CCNC: variants seen among roughly 807,000 people sequenced by gnomAD.
CCNC encodes cyclin C.
In CCNC, 19 loss-of-function variants were observed where a neutral mutation model predicts 50.0. That is an observed-to-expected ratio of 0.38 (90% CI 0.27 to 0.56). CCNC has a LOEUF of 0.56. CCNC is among the 20% of genes least tolerant of loss of function. The probability of loss-of-function intolerance (pLI) is 0.72; values close to 1 mark genes in which losing one functional copy is unlikely to be tolerated. For synonymous variants in CCNC, 93 were observed against 103.7 expected (o/e 0.90, Z 0.63); for missense variants, 200 against 327.1 (o/e 0.61, Z 3.00).
Position 99,546,385 on chromosome 6 carries a change from A to G in CCNC, c.678+10T>C. ...TAAACATCCAAGTTTACATACAACTAAGGGAATACCTTTTCCATATCCACA... is the reference window on the plus strand; with the variant it reads ...TAAACATCCAAGTTTACATACAACTGAGGGAATACCTTTTCCATATCCACA... On this transcript the variant is annotated intron_variant, in intron 10 of 11. Coordinates refer to ENST00000520429, the MANE Select transcript of CCNC (RefSeq NM_005190.4). 6.3e-7 allele frequency: 1 copy of G among 1,584,090 alleles called. No individual in the cohort carries two copies. Among genetic ancestry groups the G allele is most frequent in the Non-Finnish European group, 8.7e-7 (1 of 1,152,824 alleles).
chr6:99,558,350 G>C, intron 5 of CCNC, 147 bp downstream of exon 5: 1 of 1,221,658 alleles, frequency 8.2e-7, no homozygotes, highest in Non-Finnish European at 1.1e-6. Flanking sequence ...TTTTTTGCCA[G>C]ATACACTAGA....
At position 99,545,142 on chromosome 6, in the gene CCNC, T is replaced by C. The variant is rs1208527532; in HGVS notation, c.767A>G (p.Lys256Arg). The change falls in exon 11 of 12, where the codon AAG becomes AGG. Residue 256 changes from lysine to arginine, a missense_variant. Physicochemically the swap from Lys to Arg is conservative, Grantham distance 26. Coordinates refer to ENST00000520429, the MANE Select transcript of CCNC (RefSeq NM_005190.4). The part of the protein sequence containing the change: ...ERKEMATILS[K>R]MPKPKPPPNS... ...TGGAGGTGGTTTTGGTTTTGGCATC[T>C]TACTAAGAATGGTTGCCATCTCTTT... is the stretch of plus-strand genomic sequence containing the variant. 1 of 1,608,056 alleles carries C rather than the reference T, an allele frequency of 6.2e-7. No homozygotes were observed. The highest frequency in any genetic ancestry group is 8.5e-7 in the Non-Finnish European group (1 of 1,174,810).
At chr6:99,560,646 C>T (rs1186353037) in intron 4 of CCNC, among the ~76,000 whole-genome samples, 2 of 152,210 alleles carry the variant, frequency 1.3e-5, no homozygotes, top group East Asian at 3.8e-4. Context: ...CTATTATTTT[C>T]TGGACTTTAG....
intron 11 of CCNC, chr6:99,544,393 T>C: frequency 2.5e-6 from 2 of 791,526 alleles, no homozygotes; most frequent in Admixed American, 5.7e-5. Flanking sequence ...CATAAATCTA[T>C]CTTGTTATAT....
chr6:99,567,214 T>C (rs1340057910), intron 1 of CCNC, among the ~76,000 whole-genome samples: 1 of 151,556 alleles, frequency 6.6e-6, no homozygotes, highest in Non-Finnish European at 1.5e-5. Context: ...AACTGAAAAA[T>C]CAACAGTCAG....
intron 4 of CCNC, among the ~76,000 whole-genome samples, chr6:99,559,578 A>C (rs1242539097): frequency 6.6e-6 from 1 of 152,142 alleles, no homozygotes; most frequent in African/African-American, 2.4e-5. Context: ...AAAGCCTGAG[A>C]CATGTTCTTA....
intron 9 of CCNC, among the ~76,000 whole-genome samples, chr6:99,547,335 A>C (rs1802108410): frequency 6.6e-6 from 1 of 152,178 alleles, no homozygotes; most frequent in African/African-American, 2.4e-5. Context: ...ACATGATAAA[A>C]ACAGGAAATT....
chr6:99,550,127 A>T, intron 8 of CCNC, 91 bp downstream of exon 8: 1 of 876,284 alleles, frequency 1.1e-6, no homozygotes, highest in Non-Finnish European at 1.8e-6. Context: ...GCAATAGTTT[A>T]ATGACTTTAA....
upstream of CCNC, chr6:99,568,688 T>G (rs1769270226): frequency 7.5e-6 from 11 of 1,476,432 alleles, no homozygotes; most frequent in Non-Finnish European, 9.8e-6. Flanking sequence ...GGCCCCCTAG[T>G]CTCCTTCACG....
At chr6:99,563,731 A>G (rs1768966683) in intron 1 of CCNC, among the ~76,000 whole-genome samples, 1 of 152,168 alleles carries the variant, frequency 6.6e-6, no homozygotes, top group African/African-American at 2.4e-5. Context: ...ATTTTGGTAC[A>G]AAGTAGGGAT....
Position 99,549,549 on chromosome 6 carries a change from G to A in CCNC, c.557C>T (p.Thr186Met), listed in dbSNP as rs940563658. The A allele has an allele frequency of 1.4e-5, 23 of 1,603,880 alleles. No individual in the cohort carries two copies. The highest frequency in any genetic ancestry group is 1.8e-5 in the Non-Finnish European group (21 of 1,171,416). The change falls in exon 9 of 12, where the codon ACG (threonine) becomes ATG (methionine). Residue 186 changes from threonine (T) to methionine (M), a missense_variant. Physicochemically the swap from Thr to Met is moderately conservative, Grantham distance 81 (BLOSUM62 -1). Coordinates refer to ENST00000520429, the MANE Select transcript of CCNC (RefSeq NM_005190.4). ...AGGAGGATACAGTAGGCAAAGATCC[G>A]TTCTGTAGGTATCATTCACTATCCT... is the stretch of plus-strand genomic sequence containing the variant. The part of the protein sequence containing the change: ...AWRIVNDTYR[T>M]DLCLLYPPFM...
chr6:99,565,257 G>A (rs1359408733), intron 1 of CCNC, among the ~76,000 whole-genome samples: 1 of 151,834 alleles, frequency 6.6e-6, no homozygotes, highest in Non-Finnish European at 1.5e-5. Flanking sequence ...ATCAATATGG[G>A]GAGAAATGAC....
chr6:99,549,124 G>A (rs868721720), intron 9 of CCNC, among the ~76,000 whole-genome samples: 8 of 152,186 alleles, frequency 5.3e-5, no homozygotes, highest in Middle Eastern at 3.4e-3. Flanking sequence ...GACCACAGAT[G>A]CTCCTTTACT....
At chr6:99,567,535 GT>G (rs1769188700) in intron 1 of CCNC, among the ~76,000 whole-genome samples, 1 of 152,090 alleles carries the variant, frequency 6.6e-6, no homozygotes. Flanking sequence ...AGGTTACTGA[GT>G]TCATTGTTTC....
chr6:99,561,335 A>G (rs766718751), intron 4 of CCNC, 32 bp downstream of exon 4: 1 of 1,436,690 alleles, frequency 7.0e-7, no homozygotes, highest in Non-Finnish European at 9.8e-7. Flanking sequence ...CATTGACTAC[A>G]CTTTGATGAA....
chr6:99,551,491 T>C (rs1381030945), intron 6 of CCNC, among the ~76,000 whole-genome samples: 1 of 152,150 alleles, frequency 6.6e-6, no homozygotes, highest in Non-Finnish European at 1.5e-5. Context: ...GTTCCATTAG[T>C]TTTTAATCCC....
At chr6:99,545,674 A>C (rs1393276415) in intron 10 of CCNC, among the ~76,000 whole-genome samples, 1 of 152,232 alleles carries the variant, frequency 6.6e-6, no homozygotes, top group Non-Finnish European at 1.5e-5. Context: ...TGAAACAACT[A>C]GTTAACAAAT....
intron 9 of CCNC, among the ~76,000 whole-genome samples, chr6:99,548,275 C>A (rs1358357262): frequency 1.3e-5 from 2 of 152,064 alleles, no homozygotes; most frequent in African/African-American, 2.4e-5. Flanking sequence ...GTTCTGTTAT[C>A]CCTTCCTTCC....
intron 11 of CCNC, chr6:99,543,817 C>G: frequency 7.2e-7 from 1 of 1,381,362 alleles, no homozygotes. Flanking sequence ...ACTTTGTGCC[C>G]TCACATATAA....
Sources: allele counts gnomAD v4.1 joint callset (sites outside exome capture counted in the v4.1 genomes callset), GRCh38; gene constraint gnomAD v4.1.1; transcripts MANE v1.5; gene names NCBI Gene and HGNC (gene_info 2026-07-23, HGNC 2026-07-21).